The following DPH6 variants were observed in gnomAD, a reference collection of about 807,000 sequenced individuals.
DPH6 encodes the protein diphthamine biosynthesis 6.
DPH6 carries 33 observed loss-of-function variants against 38.2 expected under a neutral mutation model. The observed-to-expected ratio is 0.86, with a 90% confidence interval of 0.65 to 1.15. The LOEUF (loss-of-function observed/expected upper bound fraction) is 1.15. Among genes scored for constraint, DPH6 ranks in the 50% most tolerant of loss-of-function variants. The probability of loss-of-function intolerance (pLI) is 0.00; values close to 1 mark genes in which losing one functional copy is unlikely to be tolerated. For missense variants in DPH6, 325 were observed against 320.0 expected, an observed-to-expected ratio of 1.02 and a Z score of -0.12; for synonymous variants, 108 against 103.0, an observed-to-expected ratio of 1.05 and a Z score of -0.30.
At chr15:35,353,460 G>A (rs2052533041) in intron 3 of DPH6, among the ~76,000 whole-genome samples, 4 of 152,122 alleles carry the variant, frequency 2.6e-5, no homozygotes, top group Admixed American at 2.6e-4. Flanking sequence ...TTTTGTATAA[G>A]GTGTAAGGAA....
chr15:35,223,527 A>T (rs1027290920), intron 3 of DPH6, among the ~76,000 whole-genome samples: 6 of 152,190 alleles, frequency 3.9e-5, no homozygotes, highest in Non-Finnish European at 8.8e-5. Flanking sequence ...TCTACTAAAA[A>T]TACAAAAAAT....
intron 3 of DPH6, among the ~76,000 whole-genome samples, chr15:35,342,920 C>T (rs1025096065): frequency 2.6e-5 from 4 of 152,096 alleles, no homozygotes; most frequent in South Asian, 2.1e-4. Flanking sequence ...GCTTTAATAA[C>T]GATCAGTTCA....
intron 3 of DPH6, among the ~76,000 whole-genome samples, chr15:35,275,575 G>GAC (rs1230299829): frequency 6.6e-6 from 1 of 152,000 alleles, no homozygotes; most frequent in Non-Finnish European, 1.5e-5. Flanking sequence ...AGGAGAGGGA[G>GAC]ACCATTAGGA....
At chr15:35,151,672 C>G in the DPH6 span, among the ~76,000 whole-genome samples, 1 of 152,154 alleles carries the variant, frequency 6.6e-6, no homozygotes, top group African/African-American at 2.4e-5. Flanking sequence ...GTGCACCTGT[C>G]CAGTGTGGTG....
chr15:35,521,175 G>C, intron 3 of DPH6: 1 of 985,278 alleles, frequency 1.0e-6, no homozygotes, highest in Non-Finnish European at 1.2e-6. Flanking sequence ...AATGCTACTT[G>C]AGTATTGCTC....
chr15:35,387,993 T>C (rs1383046028), intron 6 of DPH6, among the ~76,000 whole-genome samples: 1 of 152,098 alleles, frequency 6.6e-6, no homozygotes, highest in Non-Finnish European at 1.5e-5. Context: ...CATAGATAGC[T>C]CTTATTATTT....
intron 3 of DPH6, among the ~76,000 whole-genome samples, chr15:35,468,913 C>T (rs1051425061): frequency 1.3e-5 from 2 of 152,034 alleles, no homozygotes; most frequent in South Asian, 2.1e-4. Flanking sequence ...ACTAAAAGTA[C>T]GAAAATTAGC....
chr15:35,460,318 A>T (rs1289969669), intron 3 of DPH6, among the ~76,000 whole-genome samples: 1 of 152,230 alleles, frequency 6.6e-6, no homozygotes, highest in Non-Finnish European at 1.5e-5. Context: ...ATTAAATTAC[A>T]TTCTTGTCAT....
chr15:35,282,238 C>G (rs923216632), intron 3 of DPH6, among the ~76,000 whole-genome samples: 5 of 152,170 alleles, frequency 3.3e-5, no homozygotes, highest in African/African-American at 1.2e-4. Context: ...GCAGTGCAAT[C>G]ATAGCTCACT....
intron 3 of DPH6, chr15:35,283,062 T>C (rs183977513): frequency 2.4e-4 from 42 of 174,678 alleles, no homozygotes; most frequent in Admixed American, 2.3e-3. Context: ...TTCTTCCTTC[T>C]TCTTCTTCCT....
intron 6 of DPH6, among the ~76,000 whole-genome samples, chr15:35,386,259 T>C (rs1329147239): frequency 6.6e-6 from 1 of 152,254 alleles, no homozygotes; most frequent in Non-Finnish European, 1.5e-5. Context: ...GTTGGAAATC[T>C]GGGTTGGTTC....
intron 5 of DPH6, among the ~76,000 whole-genome samples, chr15:35,438,837 A>C (rs755063062): frequency 1.1e-4 from 16 of 152,236 alleles, no homozygotes; most frequent in Admixed American, 3.9e-4. Context: ...TGCCATCAAA[A>C]TGTAATTTTT....
chr15:35,343,716 A>T (rs1157046467), intron 3 of DPH6, among the ~76,000 whole-genome samples: 1 of 152,034 alleles, frequency 6.6e-6, no homozygotes, highest in African/African-American at 2.4e-5. Context: ...GGATTTGGTG[A>T]CATTGTATAC....
At chr15:35,208,640 T>C in the DPH6 span, among the ~76,000 whole-genome samples, 2 of 152,244 alleles carry the variant, frequency 1.3e-5, no homozygotes, top group Admixed American at 1.3e-4. Context: ...TAGAGAAATG[T>C]CGTGTTTGAG....
chr15:35,512,405 T>C (rs2141218662), intron 3 of DPH6, among the ~76,000 whole-genome samples: 1 of 152,194 alleles, frequency 6.6e-6, no homozygotes, highest in Admixed American at 6.6e-5. Context: ...AAAAATAACA[T>C]CTATGAATGT....
chr15:35,372,227 G>T, intron 8 of DPH6, 24 bp from the exon 9 acceptor site: 2 of 1,469,564 alleles, frequency 1.4e-6, no homozygotes, highest in South Asian at 3.0e-5. Flanking sequence ...GGAAGGAAAG[G>T]GAAGGAAAAT....
At chr15:35,476,811 T>C (rs1009049999) in intron 3 of DPH6, among the ~76,000 whole-genome samples, 6 of 151,940 alleles carry the variant, frequency 3.9e-5, no homozygotes, top group African/African-American at 1.4e-4. Flanking sequence ...TATTCAGTTG[T>C]CAAACATTCA....
chr15:35,505,495 T>C lies in DPH6; in HGVS notation c.312+32779A>G, dbSNP rs537820315. 5.9e-5 allele frequency among the ~76,000 whole-genome samples: 9 copies of C among 152,224 alleles called. No homozygotes were observed. In the South Asian group the frequency reaches 1.7e-3, roughly 28 times the overall value. On this transcript the variant is annotated intron_variant, in intron 3 of 8. Coordinates refer to ENST00000256538, the MANE Select transcript of DPH6 (RefSeq NM_080650.4). ...TCTTATTTCTTTAAAAACTGTTGAA[T>C]GTCTCATTGAAAGTTTTTTTTCTAA...
chr15:35,428,658 T>A (rs1273353297), intron 5 of DPH6, among the ~76,000 whole-genome samples: 1 of 152,130 alleles, frequency 6.6e-6, no homozygotes, highest in Non-Finnish European at 1.5e-5. Context: ...CCACTTGCTC[T>A]TTGAATTGTC....
Sources: gnomAD v4.1 joint callset for allele counts (sites outside exome capture counted in the v4.1 genomes callset) on GRCh38, gnomAD v4.1.1 for gene constraint, MANE v1.5 for transcripts, NCBI Gene and HGNC (gene_info 2026-07-23, HGNC 2026-07-21) for gene names.